Variants in RBFOX1 observed in about 807,000 individuals in gnomAD.
RBFOX1 encodes RNA binding fox-1 homolog 1, also known as RNA binding protein fox-1 homolog 1.
In RBFOX1, 8 loss-of-function variants were observed where a neutral mutation model predicts 57.7. The observed-to-expected ratio is 0.14, with a 90% CI of 0.08 to 0.25. The LOEUF is 0.25. Among genes scored for constraint, RBFOX1 ranks in the 10% least tolerant of loss-of-function variants. The pLI is 1.00. For synonymous variants in RBFOX1, 326 were observed against 222.4 expected, an observed-to-expected ratio of 1.47 and a Z score of -4.15; for missense variants, 611 against 548.5, an observed-to-expected ratio of 1.11 and a Z score of -1.14.
intron 1 of RBFOX1, among the ~76,000 whole-genome samples, chr16:5,263,812 C>G (rs1286645793): frequency 6.6e-6 from 1 of 152,012 alleles, no homozygotes; most frequent in African/African-American, 2.4e-5. Context: ...GGTTTAAAGT[C>G]AATTGTTACA....
chr16:6,967,493 C>G (rs753165120), intron 3 of RBFOX1, among the ~76,000 whole-genome samples: 1 of 152,100 alleles, frequency 6.6e-6, no homozygotes, highest in African/African-American at 2.4e-5. Flanking sequence ...AGTGGATAGA[C>G]GTTATTTCAG....
In RBFOX1 at chr16:6,601,874, G is replaced by C. The variant is rs116897130; in HGVS notation, c.-63-52729G>C. ...TAGAGCTTGAAGAGGATGTTAAAGA[G>C]AGGGGTTAGAGTCACAGTTTGTGCA... On this transcript the variant is annotated intron_variant, in intron 2 of 15. Coordinates refer to ENST00000550418, the MANE Select transcript of RBFOX1 (RefSeq NM_018723.4). 2.8e-4 allele frequency among the ~76,000 whole-genome samples: 43 copies of C among 152,302 alleles called. 1 individual carries two copies. In the East Asian group the frequency reaches 8.1e-3, roughly 29 times the overall value.
At chr16:7,034,004 C>T (rs1009657896) in intron 3 of RBFOX1, among the ~76,000 whole-genome samples, 8 of 152,250 alleles carry the variant, frequency 5.3e-5, no homozygotes, top group African/African-American at 1.9e-4. Flanking sequence ...GCATTTAATT[C>T]AATACTTAGT....
At chr16:7,197,454 A>AC (rs1175696402) in intron 4 of RBFOX1, among the ~76,000 whole-genome samples, 2 of 151,282 alleles carry the variant, frequency 1.3e-5, no homozygotes, top group African/African-American at 2.5e-5. Flanking sequence ...AAAAAAAAAA[A>AC]AAAAAAAACA....
chr16:6,058,705 TCACCCACCCATC>T (rs144774204), intron 1 of RBFOX1, among the ~76,000 whole-genome samples: 17,863 of 146,194 alleles, frequency 0.12, 1,194 homozygotes, highest in African/African-American at 0.17. Flanking sequence ...ATCCATACAT[TCACCCACCCATC>T]CACCCACCCA....
chr16:6,950,609 C>T (rs576064174), intron 3 of RBFOX1, among the ~76,000 whole-genome samples: 2 of 152,076 alleles, frequency 1.3e-5, no homozygotes, highest in Non-Finnish European at 2.9e-5. Flanking sequence ...AATATATATG[C>T]AGGTGCTGTG....
chr16:7,140,686 C>G (rs745561215), intron 4 of RBFOX1, among the ~76,000 whole-genome samples: 4 of 152,266 alleles, frequency 2.6e-5, no homozygotes, highest in Admixed American at 6.5e-5. Context: ...AGCAGAACCT[C>G]TCAGAGTGAT....
chr16:7,618,311 G>A (rs1391217862), intron 10 of RBFOX1, among the ~76,000 whole-genome samples: 81 of 152,132 alleles, frequency 5.3e-4, no homozygotes, highest in Non-Finnish European at 2.4e-4. Context: ...CTGAGTAACA[G>A]TCTTATAATT....
chr16:7,019,910 T>C (rs957646911), intron 3 of RBFOX1, among the ~76,000 whole-genome samples: 4 of 152,120 alleles, frequency 2.6e-5, no homozygotes, highest in Non-Finnish European at 4.4e-5. Flanking sequence ...CCTGCTCTCT[T>C]TTACCTCCCA....
chr16:5,808,023 C>G (rs1318611944), intron 3 of RBFOX1, among the ~76,000 whole-genome samples: 1 of 152,212 alleles, frequency 6.6e-6, no homozygotes, highest in Admixed American at 6.5e-5. Context: ...CTTACTCCTT[C>G]TATGCCTGAA....
At chr16:6,400,214 C>G (rs762376866) in intron 2 of RBFOX1, among the ~76,000 whole-genome samples, 6 of 152,052 alleles carry the variant, frequency 3.9e-5, no homozygotes, top group Non-Finnish European at 8.8e-5. Flanking sequence ...GGTATGAAAT[C>G]TTAATGCATT....
intron 3 of RBFOX1, among the ~76,000 whole-genome samples, chr16:6,663,211 A>G (rs2098712120): frequency 6.6e-6 from 1 of 152,164 alleles, no homozygotes; most frequent in Non-Finnish European, 1.5e-5. Context: ...TCCTATCCAC[A>G]TGACTTACTG....
At chr16:5,486,341 G>C (rs2042627279) in intron 2 of RBFOX1, among the ~76,000 whole-genome samples, 1 of 152,208 alleles carries the variant, frequency 6.6e-6, no homozygotes, top group Non-Finnish European at 1.5e-5. Context: ...TTCTCCATCT[G>C]AAGTTCAGCT....
At chr16:6,224,016 A>G (rs1286719877) in intron 1 of RBFOX1, among the ~76,000 whole-genome samples, 1 of 152,030 alleles carries the variant, frequency 6.6e-6, no homozygotes, top group Non-Finnish European at 1.5e-5. Flanking sequence ...AGTTGTAGAT[A>G]TGCGGCGTTA....
rs553773261 is a variant in RBFOX1 at position 5,526,353 on chromosome 16, A to G, written c.258+59099A>G. Among the ~76,000 whole-genome samples the G allele has an allele frequency of 4.6e-5, 7 of 152,240 alleles. No individual in the cohort carries two copies. In the South Asian group the frequency reaches 6.2e-4, roughly 14 times the overall value. ...GCCCAGGCTGGAGTGCAATGGCACA[A>G]TCTCATCTCACTGCAACCCCTGCCT... On this transcript the variant is annotated intron_variant, in intron 2 of 2. Coordinates refer to the RBFOX1 transcript ENST00000585867.
rs549364647 is a variant in RBFOX1 at position 7,412,124 on chromosome 16, C to T, written c.28-106023C>T. Among the ~76,000 whole-genome samples the T allele has an allele frequency of 2.0e-3, 308 of 152,166 alleles. 2 individuals carry two copies. The highest frequency in any genetic ancestry group is 3.7e-3 in the Non-Finnish European group (254 of 68,018). ...TTAGTTGTGAACATGTACCATGCTA[C>T]TGTAAGATGTTAATAATAGTGAAAA... On this transcript the variant is annotated intron_variant, in intron 4 of 15. Transcript: ENST00000550418.
At chr16:7,289,037 A>C (rs1418095077) in intron 4 of RBFOX1, among the ~76,000 whole-genome samples, 1 of 152,198 alleles carries the variant, frequency 6.6e-6, no homozygotes, top group Admixed American at 6.5e-5. Context: ...TAGTGTTTTC[A>C]CTAAAAAGAT....
chr16:7,498,598 T>C (rs2069503282), intron 4 of RBFOX1, among the ~76,000 whole-genome samples: 1 of 152,206 alleles, frequency 6.6e-6, no homozygotes, highest in South Asian at 2.1e-4. Context: ...ATTCAACATG[T>C]AATCAAACTG....
At position 7,710,034 on chromosome 16, in the gene RBFOX1, G is replaced by C. The variant is rs150574369; in HGVS notation, c.1072-589G>C. ...CTTGTAGCCATTAAAACCATGGCCG[G>C]ACAGTTCACTGAAGCTCAGTCATAG... is the stretch of plus-strand genomic sequence containing the variant. On this transcript the variant is annotated intron_variant, in intron 15 of 15. Transcript: ENST00000550418. 6.6e-4 allele frequency: 667 copies of C among 1,005,974 alleles called. 2 individuals carry two copies. In the African/African-American group the frequency reaches 0.01, roughly 15 times the overall value. 62.3% of individuals were successfully genotyped at this position (1,005,974 alleles called of 1,614,324 possible).
Sources: allele counts gnomAD v4.1 joint callset (sites outside exome capture counted in the v4.1 genomes callset), GRCh38; gene constraint gnomAD v4.1.1; transcripts MANE v1.5; gene names NCBI Gene and HGNC (gene_info 2026-07-23, HGNC 2026-07-21).